The following RPA2 variants were observed in gnomAD, a reference collection of about 807,000 sequenced individuals.
RPA2 encodes replication protein A 32 kDa subunit.
In RPA2, 22 loss-of-function variants were observed where a neutral mutation model predicts 33.4. The ratio of observed to expected loss-of-function variants is 0.66; its 90% confidence interval spans 0.47 to 0.94. The LOEUF (loss-of-function observed/expected upper bound fraction) is 0.94. Ranked by LOEUF, RPA2 falls within the 40% of genes least tolerant of loss-of-function variation. The pLI is 0.00. For synonymous variants in RPA2, 109 were observed against 114.9 expected (o/e 0.95, Z 0.33); for missense variants, 279 against 329.9 (o/e 0.85, Z 1.19).
intron 3 of RPA2, 33 bp from the exon 4 acceptor site, chr1:27,907,074 G>A: frequency 2.0e-6 from 3 of 1,489,642 alleles, no homozygotes; most frequent in South Asian, 1.2e-5. Flanking sequence ...AAAAAAAAAA[G>A]GTCTGGTTCC....
At chr1:27,909,622 G>A (rs570189246) in intron 2 of RPA2, among the ~76,000 whole-genome samples, 10 of 152,190 alleles carry the variant, frequency 6.6e-5, no homozygotes, top group Non-Finnish European at 1.2e-4. Flanking sequence ...GCTGAGGCAG[G>A]AGAATCACTT....
chr1:27,903,629 G>T (rs1207063872), intron 4 of RPA2, among the ~76,000 whole-genome samples: 1 of 150,784 alleles, frequency 6.6e-6, no homozygotes, highest in Non-Finnish European at 1.5e-5. Context: ...TGAGGCAGGA[G>T]AATCGCTTGA....
intron 4 of RPA2, among the ~76,000 whole-genome samples, chr1:27,903,591 C>T (rs1350751966): frequency 6.6e-6 from 1 of 151,570 alleles, no homozygotes; most frequent in South Asian, 2.1e-4. Context: ...TGGTGGTGCA[C>T]GCCTATAGTC....
At chr1:27,906,740 C>A (rs997219080) in intron 4 of RPA2, among the ~76,000 whole-genome samples, 188 bp downstream of exon 4, 1 of 152,108 alleles carries the variant, frequency 6.6e-6, no homozygotes, top group African/African-American at 2.4e-5. Flanking sequence ...TGTCATTTGA[C>A]TTTTAATTCT....
At chr1:27,913,940 T>C (rs993925996) in intron 2 of RPA2, 123 bp downstream of exon 2, 10 of 970,790 alleles carry the variant, frequency 1.0e-5, no homozygotes, top group Non-Finnish European at 1.3e-5. Context: ...ATGCAGATAA[T>C]AATAGATCAT....
At chr1:27,909,065 C>T (rs954206917) in intron 2 of RPA2, among the ~76,000 whole-genome samples, 4 of 152,056 alleles carry the variant, frequency 2.6e-5, no homozygotes, top group South Asian at 2.1e-4. Flanking sequence ...ATTTCAACAG[C>T]GAAAAAGTAG....
chr1:27,899,513 G>GAAAAAAAAAAAAAAAAA (rs67126026), intron 4 of RPA2, among the ~76,000 whole-genome samples: 1 of 107,554 alleles, frequency 9.3e-6, no homozygotes, highest in Non-Finnish European at 1.8e-5. Flanking sequence ...AAAAAAAAAA[G>GAAAAAAAAAAAAAAAAA]AAAAAAAAAA....
Position 27,892,083 on chromosome 1 carries a change from A to G in RPA2, c.*80T>C. 3 of 1,175,956 alleles carry G rather than the reference A, an allele frequency of 2.6e-6. No homozygotes were observed. The East Asian group carries it at 7.1e-5, about 28-fold the overall frequency. The allele number at this position is 1,175,956 out of a possible 1,614,324, so 72.8% of individuals were successfully genotyped here. A position where few individuals can be genotyped will look rare whatever the true frequency, so the allele number is the denominator to read the frequency against. On this transcript the variant is annotated 3_prime_UTR_variant, in exon 9 of 9. Coordinates refer to ENST00000373912, the MANE Select transcript of RPA2 (RefSeq NM_002946.5). Reference sequence around the variant, plus strand: ...CCTACTTCCTAGAAGCCCCCTGGCCAGACATATGCAGAGCTGGAGACAACA... The same window carrying G: ...CCTACTTCCTAGAAGCCCCCTGGCCGGACATATGCAGAGCTGGAGACAACA...
intron 2 of RPA2, among the ~76,000 whole-genome samples, chr1:27,911,627 A>C (rs530901003): frequency 1.3e-5 from 2 of 152,274 alleles, no homozygotes; most frequent in Admixed American, 6.5e-5. Context: ...AACAGGGAGA[A>C]GTTGCTGCTC....
At chr1:27,908,845 C>T (rs2090063771) in intron 2 of RPA2, among the ~76,000 whole-genome samples, 1 of 152,094 alleles carries the variant, frequency 6.6e-6, no homozygotes, top group South Asian at 2.1e-4. Flanking sequence ...CTTATTTTTG[C>T]CTACCAGTGG....
rs1326432966 is a variant in RPA2 at position 27,897,789 on chromosome 1, A to G, written c.334-82T>C. On this transcript the variant is annotated intron_variant, in intron 4 of 8. Coordinates refer to ENST00000373912, the MANE Select transcript of RPA2 (RefSeq NM_002946.5). ...TTAACGTTTCTATATTATGTATAGA[A>G]AGAGAAAGTTACGAAGTAGAAGAGT... is the stretch of plus-strand genomic sequence containing the variant. The G allele has an allele frequency of 4.0e-6, 4 of 1,005,530 alleles. No individual in the cohort carries two copies. In the African/African-American group the frequency reaches 5.0e-5, roughly 12 times the overall value. 62.3% of individuals were successfully genotyped at this position (1,005,530 alleles called of 1,614,324 possible). A position where few individuals can be genotyped will look rare whatever the true frequency, so the allele number is the denominator to read the frequency against.
At chr1:27,893,412 C>T (rs530385593) in intron 8 of RPA2, among the ~76,000 whole-genome samples, 2 of 151,572 alleles carry the variant, frequency 1.3e-5, no homozygotes, top group African/African-American at 4.8e-5. Flanking sequence ...CTCAAGCGAT[C>T]CTCCCACCTC....
At chr1:27,913,171 AGG>A (rs2090121571) in intron 2 of RPA2, among the ~76,000 whole-genome samples, 2 of 151,368 alleles carry the variant, frequency 1.3e-5, no homozygotes, top group African/African-American at 4.8e-5. Context: ...CAGGCTGGTC[AGG>A]AACTCCTGAT....
At chr1:27,896,014 G>A (rs564129209) in intron 6 of RPA2, among the ~76,000 whole-genome samples, 1 of 152,088 alleles carries the variant, frequency 6.6e-6, no homozygotes, top group South Asian at 2.1e-4. Flanking sequence ...CCCTCCATCA[G>A]CCTCTTCTCC....
Position 27,914,430 on chromosome 1 carries a change from T to C in RPA2, c.10+4A>G, listed in dbSNP as rs1452481029. The C allele has an allele frequency of 8.7e-6, 14 of 1,604,364 alleles. No individual in the cohort carries two copies. In the Admixed American group the frequency reaches 1.7e-4, roughly 19 times the overall value. ...CCTCCTCCACCCCGCACCCCCATCA[T>C]TACTGTTCCACATCTTGGTCACGAT... On this transcript the variant is annotated splice_donor_region_variant and intron_variant, in intron 1 of 8. Transcript: ENST00000373912.
At chr1:27,895,746 A>G (rs997038192) in intron 6 of RPA2, among the ~76,000 whole-genome samples, 2 of 152,174 alleles carry the variant, frequency 1.3e-5, no homozygotes, top group Admixed American at 1.3e-4. Flanking sequence ...AAACAAAAAC[A>G]AAAACAAAAA....
chr1:27,908,430 T>C (rs1438664742), intron 2 of RPA2, among the ~76,000 whole-genome samples: 1 of 151,878 alleles, frequency 6.6e-6, no homozygotes, highest in Non-Finnish European at 1.5e-5. Context: ...GCTGGACTCA[T>C]GTTGGACGTC....
At chr1:27,907,935 G>A (rs1438026745) in intron 2 of RPA2, among the ~76,000 whole-genome samples, 2 of 151,842 alleles carry the variant, frequency 1.3e-5, no homozygotes, top group African/African-American at 4.8e-5. Flanking sequence ...TGCAACCTCC[G>A]TCTCCCGGGC....
intron 2 of RPA2, among the ~76,000 whole-genome samples, chr1:27,913,696 C>A (rs1232333853): frequency 6.6e-6 from 1 of 151,588 alleles, no homozygotes; most frequent in Non-Finnish European, 1.5e-5. Flanking sequence ...GTGGGAGGAT[C>A]GCTTGAGCTC....
Sources: gnomAD v4.1 joint callset for allele counts (sites outside exome capture counted in the v4.1 genomes callset) on GRCh38, gnomAD v4.1.1 for gene constraint, MANE v1.5 for transcripts, NCBI Gene and HGNC (gene_info 2026-07-23, HGNC 2026-07-21) for gene names.